Variants in CDK14 observed in about 807,000 individuals in gnomAD.
CDK14 encodes the protein cyclin-dependent kinase 14.
In CDK14, 34 loss-of-function variants were observed where a neutral mutation model predicts 60.7. That is an observed-to-expected ratio of 0.56 (90% CI 0.43 to 0.75). The LOEUF (loss-of-function observed/expected upper bound fraction) is 0.75. Ranked by LOEUF, CDK14 falls within the 30% of genes least tolerant of loss-of-function variation. The pLI is 0.00. For missense variants in CDK14, 482 were observed against 564.1 expected, an observed-to-expected ratio of 0.85 and a Z score of 1.47; for synonymous variants, 197 against 203.7, an observed-to-expected ratio of 0.97 and a Z score of 0.28.
At chr7:90,854,640 C>T (rs1384496171) in intron 5 of CDK14, among the ~76,000 whole-genome samples, 1 of 150,580 alleles carries the variant, frequency 6.6e-6, no homozygotes, top group African/African-American at 2.4e-5. Flanking sequence ...GGGCTTGGTG[C>T]GAAACCACTC....
Position 90,951,146 on chromosome 7 carries a change from G to A in CDK14, c.827-4551G>A, listed in dbSNP as rs547357634. On this transcript the variant is annotated intron_variant, in intron 8 of 14. Coordinates refer to ENST00000380050, the MANE Select transcript of CDK14 (RefSeq NM_001287135.2). The stretch of plus-strand genomic sequence containing the variant: ...AAGGCCTCAAGTCTTTCCCTTCCCA[G>A]TGTAACTGTCTTATGGTAAAATATT... Among the ~76,000 whole-genome samples, 8 of 152,272 alleles carry A rather than the reference G, an allele frequency of 5.3e-5. No homozygotes were observed. In the South Asian group the frequency reaches 8.3e-4, roughly 16 times the overall value.
At chr7:90,831,181 C>G (rs554467719) in intron 5 of CDK14, among the ~76,000 whole-genome samples, 34 of 152,284 alleles carry the variant, frequency 2.2e-4, no homozygotes, top group African/African-American at 7.9e-4. Flanking sequence ...CTATAAATAA[C>G]TACCTGAGAC....
chr7:90,711,028 G>C lies in CDK14; in HGVS notation c.124-15539G>C, dbSNP rs924117419. The stretch of plus-strand genomic sequence containing the variant: ...TTTTTGCTTTAAAAATATTCCACTT[G>C]TGTATAGTTTAATTAACTTAGTACT... On this transcript the variant is annotated intron_variant, in intron 2 of 14. Coordinates refer to ENST00000380050, the MANE Select transcript of CDK14 (RefSeq NM_001287135.2). Among the ~76,000 whole-genome samples, 3 of 151,962 alleles carry C rather than the reference G, an allele frequency of 2.0e-5. No individual in the cohort carries two copies. In the South Asian group the frequency reaches 6.2e-4, roughly 32 times the overall value.
intron 5 of CDK14, among the ~76,000 whole-genome samples, chr7:90,831,700 T>TC (rs1789916289): frequency 7.2e-6 from 1 of 139,674 alleles, no homozygotes; most frequent in Non-Finnish European, 1.6e-5. Flanking sequence ...GTTTTTTTTT[T>TC]CCCCCACCCT....
chr7:91,070,251 C>T (rs1014281471), intron 11 of CDK14, among the ~76,000 whole-genome samples: 7 of 84,974 alleles, frequency 8.2e-5, no homozygotes, highest in Admixed American at 1.5e-4. Flanking sequence ...TTTGTTGTTG[C>T]TGCTGCTGCT....
At chr7:90,977,683 T>G (rs78432414) in intron 9 of CDK14, among the ~76,000 whole-genome samples, 10,698 of 152,190 alleles carry the variant, frequency 0.07, 453 homozygotes, top group East Asian at 0.18. Flanking sequence ...CATTGTAAAT[T>G]TGCATCCACA....
intron 7 of CDK14, among the ~76,000 whole-genome samples, chr7:90,902,574 CT>C (rs1218171391): frequency 3.3e-5 from 5 of 152,056 alleles, no homozygotes; most frequent in Non-Finnish European, 7.4e-5. Flanking sequence ...TGAAACAAGA[CT>C]TATTTTTCAC....
At chr7:90,871,868 G>C (rs759705579) in intron 6 of CDK14, among the ~76,000 whole-genome samples, 6 of 152,150 alleles carry the variant, frequency 3.9e-5, no homozygotes, top group Non-Finnish European at 8.8e-5. Context: ...GTGAATCCAG[G>C]TAACTACAAG....
chr7:90,631,181 G>T (rs1799989685), intron 2 of CDK14, among the ~76,000 whole-genome samples: 1 of 151,962 alleles, frequency 6.6e-6, no homozygotes, highest in Non-Finnish European at 1.5e-5. Context: ...GAATTTGTTG[G>T]GTGATCTACA....
chr7:90,985,498 G>A (rs149549267), intron 10 of CDK14, among the ~76,000 whole-genome samples: 12 of 152,212 alleles, frequency 7.9e-5, no homozygotes, highest in Admixed American at 4.6e-4. Context: ...GCTTCCAGTA[G>A]AGCTAATATT....
intron 12 of CDK14, among the ~76,000 whole-genome samples, chr7:91,101,688 C>T (rs537553423): frequency 6.6e-6 from 1 of 152,216 alleles, no homozygotes; most frequent in Admixed American, 6.5e-5. Flanking sequence ...TTTCATTGCA[C>T]AGCCCAGCAC....
intron 6 of CDK14, among the ~76,000 whole-genome samples, chr7:90,878,922 T>C (rs1176268644): frequency 6.6e-6 from 1 of 152,228 alleles, no homozygotes; most frequent in East Asian, 1.9e-4. Context: ...GTTCAGTAAG[T>C]ATTGACAGTG....
intron 1 of CDK14, among the ~76,000 whole-genome samples, chr7:90,601,609 A>G (rs73221390): frequency 0.13 from 20,415 of 152,238 alleles, 1,620 homozygotes; most frequent in Middle Eastern, 0.24. Flanking sequence ...CTCTTTGTCC[A>G]GAATGTTGGA....
intron 10 of CDK14, among the ~76,000 whole-genome samples, chr7:91,031,100 T>C (rs1349065819): frequency 6.6e-6 from 1 of 152,208 alleles, no homozygotes; most frequent in Non-Finnish European, 1.5e-5. Flanking sequence ...CTAACCACCA[T>C]GTAGAGAATT....
intron 11 of CDK14, among the ~76,000 whole-genome samples, chr7:91,075,177 A>G (rs901663964): frequency 2.4e-4 from 37 of 152,208 alleles, no homozygotes; most frequent in African/African-American, 8.7e-4. Context: ...AACCAGGTGG[A>G]AACACACACA....
At chr7:90,769,001 G>A (rs934719311) in intron 4 of CDK14, among the ~76,000 whole-genome samples, 1 of 152,090 alleles carries the variant, frequency 6.6e-6, no homozygotes, top group Admixed American at 6.5e-5. Flanking sequence ...AGAGGCAAAT[G>A]GTAGACAGTT....
chr7:90,652,517 T>C (rs527286579), intron 2 of CDK14, among the ~76,000 whole-genome samples: 63 of 152,064 alleles, frequency 4.1e-4, no homozygotes, highest in Non-Finnish European at 8.5e-4. Flanking sequence ...AGCAAAGGAG[T>C]AAAATGACTC....
At chr7:91,060,494 C>G (rs1324813090) in intron 11 of CDK14, among the ~76,000 whole-genome samples, 3 of 152,070 alleles carry the variant, frequency 2.0e-5, no homozygotes, top group Non-Finnish European at 4.4e-5. Flanking sequence ...TCTTCCTAGC[C>G]TCGATGGTCT....
At position 90,895,354 on chromosome 7, in the gene CDK14, TCCTCACCTCTCCTCCCCTCC is replaced by T. The variant is rs1562817517; in HGVS notation, c.640-3932_640-3913del. ...TCCTCTCCTCTCCTCTCCTCTCCTC[TCCTCACCTCTCCTCCCCTCC>T]CCTCTCCTCTCCTCTCCTCTCCTCT... On this transcript the variant is annotated intron_variant, in intron 6 of 14. Transcript: ENST00000380050. Among the ~76,000 whole-genome samples, 39 of 39,460 alleles carry T rather than the reference TCCTCACCTCTCCTCCCCTCC, an allele frequency of 9.9e-4. 2 individuals carry two copies. Among genetic ancestry groups the T allele is most frequent in the African/African-American group, 1.9e-3 (18 of 9,390 alleles). 25.9% of individuals were successfully genotyped at this position (39,460 alleles called of 152,430 possible).
Sources: gnomAD v4.1 joint callset for allele counts (sites outside exome capture counted in the v4.1 genomes callset) on GRCh38, gnomAD v4.1.1 for gene constraint, MANE v1.5 for transcripts, NCBI Gene and HGNC (gene_info 2026-07-23, HGNC 2026-07-21) for gene names.